GIPC2: variants seen among roughly 807,000 people sequenced by gnomAD.
The protein encoded by GIPC2 is GIPC PDZ domain containing family member 2.
A neutral mutation model predicts 30.6 loss-of-function variants in GIPC2; 30 were observed. That is an observed-to-expected ratio of 0.98 (90% CI 0.73 to 1.33). GIPC2 has a LOEUF of 1.33. Among genes scored for constraint, GIPC2 ranks in the 40% most tolerant of loss-of-function variants. The pLI, the probability that GIPC2 is intolerant of heterozygous loss-of-function variation, is 0.00. For missense variants in GIPC2, 414 were observed against 390.3 expected, an observed-to-expected ratio of 1.06 and a Z score of -0.51; for synonymous variants, 167 against 150.0, an observed-to-expected ratio of 1.11 and a Z score of -0.83.
At chr1:78,124,255 C>A (rs1286122306) in intron 4 of GIPC2, among the ~76,000 whole-genome samples, 16 of 152,078 alleles carry the variant, frequency 1.1e-4, no homozygotes, top group Non-Finnish European at 1.9e-4. Context: ...GTTTAGTAAT[C>A]ATTTCGGGAA....
intron 3 of GIPC2, among the ~76,000 whole-genome samples, chr1:78,102,859 A>G (rs948145096): frequency 6.6e-6 from 1 of 152,242 alleles, no homozygotes; most frequent in Non-Finnish European, 1.5e-5. Context: ...AAACAGGAAA[A>G]GCAATGTGGA....
At chr1:78,120,787 G>A (rs1447748296) in intron 4 of GIPC2, among the ~76,000 whole-genome samples, 4 of 152,094 alleles carry the variant, frequency 2.6e-5, no homozygotes, top group Admixed American at 6.6e-5. Flanking sequence ...AAAACCTGCC[G>A]CCATGATTCA....
At chr1:78,133,292 A>G (rs1332933766) in intron 5 of GIPC2, among the ~76,000 whole-genome samples, 2 of 152,226 alleles carry the variant, frequency 1.3e-5, no homozygotes, top group Non-Finnish European at 2.9e-5. Flanking sequence ...AGTGCAGAGC[A>G]ATGTTGAATT....
intron 5 of GIPC2, 138 bp downstream of exon 5, chr1:78,126,100 T>G: frequency 1.8e-6 from 1 of 546,784 alleles, no homozygotes; most frequent in Non-Finnish European, 3.3e-6. Context: ...GACATAAAGA[T>G]AAGAATAATG....
At chr1:78,096,504 T>C (rs1229383492) in intron 3 of GIPC2, among the ~76,000 whole-genome samples, 2 of 152,104 alleles carry the variant, frequency 1.3e-5, no homozygotes, top group Non-Finnish European at 2.9e-5. Flanking sequence ...TTTTTTTTTT[T>C]TCCCATTGTC....
intron 1 of GIPC2, among the ~76,000 whole-genome samples, chr1:78,077,473 T>G (rs1175761397): frequency 6.6e-6 from 1 of 152,196 alleles, no homozygotes; most frequent in Non-Finnish European, 1.5e-5. Context: ...ATGATGGCAG[T>G]AAAGCAACAA....
At chr1:78,062,562 C>T (rs1437528819) in intron 1 of GIPC2, among the ~76,000 whole-genome samples, 3 of 150,556 alleles carry the variant, frequency 2.0e-5, no homozygotes, top group African/African-American at 4.9e-5. Flanking sequence ...GACTGGAGTG[C>T]AGTGGCACCA....
intron 1 of GIPC2, among the ~76,000 whole-genome samples, chr1:78,070,141 T>C (rs561459294): frequency 2.0e-5 from 3 of 152,312 alleles, no homozygotes; most frequent in South Asian, 2.1e-4. Flanking sequence ...TGTTTAAGGA[T>C]CCTTTTGAGG....
At chr1:78,045,095 G>A (rs1057411964), upstream of GIPC2, 8 of 982,406 alleles carry the variant, frequency 8.1e-6, no homozygotes, top group Non-Finnish European at 8.5e-6. Context: ...CGCAGACCAA[G>A]TAAGATAAAA....
intron 1 of GIPC2, among the ~76,000 whole-genome samples, chr1:78,051,226 G>A (rs1369937330): frequency 6.6e-6 from 1 of 150,686 alleles, no homozygotes; most frequent in African/African-American, 2.4e-5. Context: ...ATTGATCCTT[G>A]GACATTAAAA....
At chr1:78,049,223 A>G in intron 1 of GIPC2, among the ~76,000 whole-genome samples, 1 of 152,102 alleles carries the variant, frequency 6.6e-6, no homozygotes, top group Non-Finnish European at 1.5e-5. Flanking sequence ...GTGCAGTGGC[A>G]CGATCTTGGC....
chr1:78,077,238 C>T (rs1661733211), intron 1 of GIPC2, among the ~76,000 whole-genome samples: 1 of 152,020 alleles, frequency 6.6e-6, no homozygotes, highest in Admixed American at 6.6e-5. Flanking sequence ...AAAATGAAAA[C>T]CATCTTAATA....
At chr1:78,112,271 G>A (rs1345082015) in intron 3 of GIPC2, among the ~76,000 whole-genome samples, 1 of 152,046 alleles carries the variant, frequency 6.6e-6, no homozygotes, top group Non-Finnish European at 1.5e-5. Flanking sequence ...TTTTCACACA[G>A]GCCCTCAGCC....
At chr1:78,082,416 G>T (rs1248035902) in intron 2 of GIPC2, among the ~76,000 whole-genome samples, 1 of 152,156 alleles carries the variant, frequency 6.6e-6, no homozygotes, top group African/African-American at 2.4e-5. Context: ...CCACTTGATA[G>T]AATGGCTATT....
chr1:78,114,198 C>G (rs1269588771), intron 3 of GIPC2, among the ~76,000 whole-genome samples: 1 of 152,160 alleles, frequency 6.6e-6, no homozygotes, highest in African/African-American at 2.4e-5. Flanking sequence ...AGCTAGCTAG[C>G]TGCAGGTGCA....
chr1:78,106,326 G>A (rs1239104848), intron 3 of GIPC2, among the ~76,000 whole-genome samples: 3 of 151,832 alleles, frequency 2.0e-5, no homozygotes, highest in African/African-American at 7.3e-5. Context: ...TTGGGAGGCC[G>A]AGATGGGCGG....
chr1:78,133,767 TGTG>T (rs1451791927), intron 5 of GIPC2, among the ~76,000 whole-genome samples: 1 of 151,498 alleles, frequency 6.6e-6, no homozygotes, highest in Non-Finnish European at 1.5e-5. Flanking sequence ...TGTGTGTGTG[TGTG>T]TGTGTGTGTG....
chr1:78,114,998 T>C (rs1041288629), intron 3 of GIPC2, among the ~76,000 whole-genome samples: 1 of 152,180 alleles, frequency 6.6e-6, no homozygotes, highest in African/African-American at 2.4e-5. Context: ...AAGTCTTCTA[T>C]GCTACATACA....
rs143532888 is a variant in GIPC2, at chr1:78,080,706, T to C, written c.272T>C (p.Ile91Thr). The C allele has an allele frequency of 2.9e-5, 46 of 1,607,860 alleles. No homozygotes were observed. The East Asian group carries it at 9.4e-4, about 33-fold the overall frequency. Residue 91 changes from isoleucine to threonine, a missense_variant, in exon 2 of 6, where the codon ATT becomes ACT. Physicochemically the swap from Ile to Thr is moderately conservative, Grantham distance 89. Coordinates refer to ENST00000370759, the MANE Select transcript of GIPC2 (RefSeq NM_017655.6). ...TATTGCACTTTAAACACACCTAAAA[T>C]TGACATGGAAAGACTCTTAGGAGGA... is the stretch of plus-strand genomic sequence containing the variant. ...ILYCTLNTPK[I>T]DMERLLGGQL...
Sources: allele counts gnomAD v4.1 joint callset (sites outside exome capture counted in the v4.1 genomes callset), GRCh38; gene constraint gnomAD v4.1.1; transcripts MANE v1.5; gene names NCBI Gene and HGNC (gene_info 2026-07-23, HGNC 2026-07-21).